The following LAMA1 variants were observed in gnomAD, a reference collection of about 807,000 sequenced individuals.
LAMA1 encodes the protein laminin subunit alpha-1.
LAMA1 carries 219 observed loss-of-function variants against 348.7 expected under a neutral mutation model. The ratio of observed to expected loss-of-function variants is 0.63; its 90% CI spans 0.56 to 0.70. The LOEUF is 0.70. LAMA1 is among the 30% of genes least tolerant of loss of function. The probability of loss-of-function intolerance (pLI) is 0.00; values close to 1 mark genes in which losing one functional copy is unlikely to be tolerated. For missense variants in LAMA1, 3,744 were observed against 3,888.0 expected (o/e 0.96, Z 0.99); for synonymous variants, 1,487 against 1,491.0 (o/e 1.00, Z 0.06).
At chr18:6,964,911 T>C in intron 50 of LAMA1, 108 bp from the exon 51 acceptor site, 1 of 1,256,102 alleles carries the variant, frequency 8.0e-7, no homozygotes, top group Middle Eastern at 2.4e-4. Flanking sequence ...CATATTCTTT[T>C]AGATTCTGCG....
At chr18:6,967,824 G>A (rs2057640463) in intron 48 of LAMA1, among the ~76,000 whole-genome samples, 1 of 152,024 alleles carries the variant, frequency 6.6e-6, no homozygotes, top group Non-Finnish European at 1.5e-5. Flanking sequence ...CAAAAACATG[G>A]GGGCTTTCTC....
chr18:7,066,633 A>C (rs2058123975), intron 3 of LAMA1, among the ~76,000 whole-genome samples: 1 of 152,188 alleles, frequency 6.6e-6, no homozygotes, highest in Admixed American at 6.5e-5. Flanking sequence ...AGTCCTCCCA[A>C]AGATATGTCC....
chr18:7,057,851 G>A (rs2058088456), intron 3 of LAMA1, among the ~76,000 whole-genome samples: 1 of 150,194 alleles, frequency 6.7e-6, no homozygotes, highest in Non-Finnish European at 1.5e-5. Context: ...TTGGAGTGCA[G>A]TGGTGCGATC....
chr18:6,959,448 A>G lies in LAMA1; in HGVS notation c.7671T>C (p.His2557=), dbSNP rs2057597095. 4 of 1,614,228 alleles carry G rather than the reference A, an allele frequency of 2.5e-6. No homozygotes were observed. The highest frequency in any genetic ancestry group is 2.7e-5 in the African/African-American group (2 of 75,056). The change falls in exon 54 of 63, where the codon CAT becomes CAC. Residue 2557 remains histidine, a synonymous_variant. Coordinates refer to ENST00000389658, the MANE Select transcript of LAMA1 (RefSeq NM_005559.4). ...VMLIGGNIEV[H]VNPGDGTGLR... ...GGCCTGTCCCATCCCCAGGATTGAC[A>G]TGTACCTCAATGTTGCCTCCGATCA...
chr18:7,110,087 A>G (rs1462200163), intron 1 of LAMA1, among the ~76,000 whole-genome samples: 1 of 152,030 alleles, frequency 6.6e-6, no homozygotes, highest in East Asian at 1.9e-4. Context: ...AGGCTGAGGC[A>G]GAAGAATCGC....
In LAMA1 at chr18:7,013,995, G is replaced by A; in HGVS notation, c.3183C>T (p.Gly1061=). Residue 1061 remains glycine (G), a synonymous_variant, in exon 23 of 63, where the codon GGC becomes GGT. Transcript: ENST00000389658. ...STHHRCDVVT[G]HCQCKSKFGG... ...CAAATTTTGACTTGCACTGGCAATG[G>A]CCGGTGACCACATCGCACCGATGAT... 7 of 1,613,912 alleles carry A rather than the reference G, an allele frequency of 4.3e-6. No homozygotes were observed. Among genetic ancestry groups the A allele is most frequent in the Non-Finnish European group, 5.9e-6 (7 of 1,179,912 alleles).
rs187419284 is a variant in LAMA1 at position 7,026,900 on chromosome 18, G to C, written c.2275-794C>G. Among the ~76,000 whole-genome samples the C allele has an allele frequency of 8.7e-3, 1,315 of 152,022 alleles. 13 individuals carry two copies. The highest frequency in any genetic ancestry group is 0.028 in the African/African-American group (1,152 of 41,442). On this transcript the variant is annotated intron_variant, in intron 16 of 62. Coordinates refer to ENST00000389658, the MANE Select transcript of LAMA1 (RefSeq NM_005559.4). Reference sequence around the variant, plus strand: ...TAGTCCCAGCTACCTGGGAGGCTGAGGCAGAATGGCGTGAACCTGGGAGAT... The same window carrying C: ...TAGTCCCAGCTACCTGGGAGGCTGACGCAGAATGGCGTGAACCTGGGAGAT...
chr18:7,094,276 G>A (rs2058251401), intron 1 of LAMA1, among the ~76,000 whole-genome samples: 1 of 151,432 alleles, frequency 6.6e-6, no homozygotes, highest in African/African-American at 2.4e-5. Flanking sequence ...TACAAAAAAT[G>A]AGCCGCGCGT....
intron 61 of LAMA1, among the ~76,000 whole-genome samples, chr18:6,946,707 G>A (rs994565116): frequency 6.6e-5 from 10 of 152,038 alleles, no homozygotes; most frequent in African/African-American, 1.9e-4. Context: ...CAACAAGAGC[G>A]AAACTCCGTC....
intron 1 of LAMA1, among the ~76,000 whole-genome samples, chr18:7,110,888 T>TC (rs35705241): frequency 5.9e-4 from 85 of 143,146 alleles, no homozygotes; most frequent in Non-Finnish European, 9.2e-4. Context: ...TTTTTTTCCC[T>TC]CCCCCCCCCC....
Position 6,966,253 on chromosome 18 carries a change from T to C in LAMA1, c.6944A>G (p.Tyr2315Cys), listed in dbSNP as rs2057632834. Residue 2315 changes from tyrosine to cysteine, a missense_variant, in exon 49 of 63, where the codon TAC (tyrosine) becomes TGC (cysteine). Transcript: ENST00000389658. The part of the protein sequence containing the change: ...DPSFHFDGSG[Y>C]SVVEKSLPAT... The stretch of plus-strand genomic sequence containing the variant: ...CGGAAGTGACTTCTCCACGACAGAG[T>C]ACCCACTCCCGTCAAAATGGAAGGA... 1 of 1,613,890 alleles carries C rather than the reference T, an allele frequency of 6.2e-7. No individual in the cohort carries two copies. The highest frequency in any genetic ancestry group is 2.2e-5 in the East Asian group (1 of 44,862).
chr18:6,942,147 A>G lies in LAMA1; in HGVS notation c.9160T>C (p.Phe3054Leu), dbSNP rs1600334664. ...AGTTCGAACGCTCTGCTGAAGTCAAAGGACTGCACCTGCGGGCTCTTAATC... is the reference window on the plus strand; with the variant it reads ...AGTTCGAACGCTCTGCTGAAGTCAAGGGACTGCACCTGCGGGCTCTTAATC... ...ALIKSPQVQS[F>L]DFSRAFELHG... Residue 3054 changes from phenylalanine to leucine, a missense_variant, in exon 63 of 63, where the codon TTT (phenylalanine) becomes CTT (leucine). This residue lies in a region of LAMA1 where 232 missense variants were observed against 264.4 expected (regional missense o/e 0.88). Transcript: ENST00000389658. The G allele has an allele frequency of 1.9e-6, 3 of 1,614,174 alleles. No individual in the cohort carries two copies. In the Middle Eastern group the frequency reaches 5.0e-4, roughly 266 times the overall value.
chr18:7,009,456 C>T (rs929238931), intron 26 of LAMA1, 90 bp from the exon 27 acceptor site: 10 of 1,421,932 alleles, frequency 7.0e-6, no homozygotes, highest in Non-Finnish European at 9.7e-6. Context: ...TTATAAATTT[C>T]TCCAGAAATG....
intron 29 of LAMA1, among the ~76,000 whole-genome samples, chr18:7,004,468 C>G (rs890473600): frequency 4.6e-5 from 7 of 152,064 alleles, no homozygotes; most frequent in Non-Finnish European, 1.0e-4. Context: ...TTCTTCTGCC[C>G]CAGCCTCCCG....
chr18:7,053,234 A>C (rs932925008), intron 3 of LAMA1, among the ~76,000 whole-genome samples: 2 of 152,104 alleles, frequency 1.3e-5, no homozygotes, highest in African/African-American at 4.8e-5. Flanking sequence ...GGGCGGTGAA[A>C]CCACCCTGTA....
chr18:7,055,980 T>A (rs2143736663), intron 3 of LAMA1, among the ~76,000 whole-genome samples: 1 of 151,384 alleles, frequency 6.6e-6, no homozygotes, highest in East Asian at 1.9e-4. Flanking sequence ...CTCGAGAAGC[T>A]GAGGCAGGAG....
intron 25 of LAMA1, among the ~76,000 whole-genome samples, chr18:7,010,700 CA>C (rs1489868860): frequency 6.6e-6 from 1 of 152,176 alleles, no homozygotes; most frequent in Non-Finnish European, 1.5e-5. Context: ...GCACTGGGTG[CA>C]TATTTGCAAA....
chr18:6,948,071 T>C (rs1333202586), intron 60 of LAMA1, among the ~76,000 whole-genome samples: 2 of 152,206 alleles, frequency 1.3e-5, no homozygotes, highest in African/African-American at 4.8e-5. Context: ...CATTTTATGC[T>C]GCTGATTTTT....
intron 6 of LAMA1, 81 bp downstream of exon 6, chr18:7,046,197 G>T: frequency 3.3e-6 from 3 of 905,410 alleles, no homozygotes; most frequent in East Asian, 2.4e-5. Flanking sequence ...TGTTTGTTTG[G>T]AATAAAAAAG....
Sources: allele counts gnomAD v4.1 joint callset (sites outside exome capture counted in the v4.1 genomes callset), GRCh38; gene constraint gnomAD v4.1.1; regional missense constraint gnomAD v4.1.1; transcripts MANE v1.5; gene names NCBI Gene and HGNC (gene_info 2026-07-23, HGNC 2026-07-21).